MVB12B: variants seen among roughly 807,000 people sequenced by gnomAD.
The protein encoded by MVB12B is multivesicular body subunit 12B.
MVB12B carries 16 observed loss-of-function variants against 41.6 expected under a neutral mutation model. That is an observed-to-expected ratio of 0.38 (90% CI 0.26 to 0.58). The LOEUF (loss-of-function observed/expected upper bound fraction) is 0.58. Among genes scored for constraint, MVB12B ranks in the 20% least tolerant of loss-of-function variants. The pLI is 0.62. For missense variants in MVB12B, 274 were observed against 380.2 expected, an observed-to-expected ratio of 0.72 and a Z score of 2.32; for synonymous variants, 133 against 139.7, an observed-to-expected ratio of 0.95 and a Z score of 0.34.
chr9:126,428,354 A>C (rs565770206), intron 7 of MVB12B, among the ~76,000 whole-genome samples: 1 of 152,286 alleles, frequency 6.6e-6, no homozygotes, highest in African/African-American at 2.4e-5. Flanking sequence ...ATTGGATAAA[A>C]TTTCTGCCAC....
At chr9:126,462,449 A>G (rs1389376770) in intron 7 of MVB12B, among the ~76,000 whole-genome samples, 1 of 152,216 alleles carries the variant, frequency 6.6e-6, no homozygotes, top group Non-Finnish European at 1.5e-5. Context: ...GAACAATTAT[A>G]CAGATTTTCA....
chr9:126,404,555 C>T (rs1031852349), intron 6 of MVB12B, among the ~76,000 whole-genome samples: 2 of 152,250 alleles, frequency 1.3e-5, no homozygotes, highest in African/African-American at 4.8e-5. Context: ...CTCCAGGCTC[C>T]TGACCAGCAA....
intron 2 of MVB12B, among the ~76,000 whole-genome samples, chr9:126,379,643 A>G (rs1025178582): frequency 6.6e-6 from 1 of 152,058 alleles, no homozygotes; most frequent in East Asian, 1.9e-4. Context: ...TCCTGTTGTT[A>G]TATTTGCTAA....
At chr9:126,438,456 A>G (rs919281078) in intron 7 of MVB12B, among the ~76,000 whole-genome samples, 3 of 152,160 alleles carry the variant, frequency 2.0e-5, no homozygotes, top group African/African-American at 7.2e-5. Context: ...ACATTTTCCA[A>G]AGTGTCTGTT....
At chr9:126,362,504 C>T (rs1044345350) in intron 2 of MVB12B, among the ~76,000 whole-genome samples, 9 of 151,958 alleles carry the variant, frequency 5.9e-5, no homozygotes, top group Non-Finnish European at 1.0e-4. Flanking sequence ...TGATGTGTAG[C>T]TCTTATGTAC....
At chr9:126,465,784 T>C (rs1239978029) in intron 7 of MVB12B, among the ~76,000 whole-genome samples, 1 of 152,178 alleles carries the variant, frequency 6.6e-6, no homozygotes, top group Non-Finnish European at 1.5e-5. Flanking sequence ...TAACACATGC[T>C]GAACATTTGT....
intron 6 of MVB12B, among the ~76,000 whole-genome samples, chr9:126,416,368 G>A (rs956182783): frequency 6.6e-6 from 1 of 152,188 alleles, no homozygotes; most frequent in Non-Finnish European, 1.5e-5. Context: ...CTGGGATTTG[G>A]ACCCACATCC....
At chr9:126,476,683 T>C (rs1833427910) in intron 7 of MVB12B, among the ~76,000 whole-genome samples, 1 of 152,056 alleles carries the variant, frequency 6.6e-6, no homozygotes, top group Non-Finnish European at 1.5e-5. Flanking sequence ...GAGACCATCC[T>C]GGCTAACACG....
chr9:126,482,158 C>T (rs1289133157), intron 8 of MVB12B, among the ~76,000 whole-genome samples: 1 of 149,108 alleles, frequency 6.7e-6, no homozygotes, highest in Non-Finnish European at 1.5e-5. Flanking sequence ...AGGGTCAGCC[C>T]TCCAATGGCG....
chr9:126,348,479 C>A (rs570841722), intron 2 of MVB12B, among the ~76,000 whole-genome samples: 1 of 152,332 alleles, frequency 6.6e-6, no homozygotes, highest in African/African-American at 2.4e-5. Flanking sequence ...TGCAGAGGAG[C>A]TGGTCTTGTT....
intron 6 of MVB12B, among the ~76,000 whole-genome samples, chr9:126,407,042 C>T (rs760068647): frequency 1.3e-5 from 2 of 152,158 alleles, no homozygotes; most frequent in African/African-American, 2.4e-5. Context: ...AAATTCAACA[C>T]AAGTGTATAT....
chr9:126,404,743 A>G (rs756176797), intron 6 of MVB12B, among the ~76,000 whole-genome samples: 3 of 152,258 alleles, frequency 2.0e-5, no homozygotes, highest in African/African-American at 4.8e-5. Flanking sequence ...AGGAGGTCCC[A>G]GCACCACCAT....
intron 6 of MVB12B, chr9:126,396,001 T>A: frequency 8.6e-7 from 1 of 1,160,354 alleles, no homozygotes; most frequent in South Asian, 2.5e-5. Flanking sequence ...ACACGTGCTG[T>A]ATAGCCATGG....
intron 6 of MVB12B, among the ~76,000 whole-genome samples, chr9:126,398,241 G>A (rs1485638454): frequency 6.6e-6 from 1 of 151,794 alleles, no homozygotes; most frequent in Non-Finnish European, 1.5e-5. Flanking sequence ...GTGTGGTGGT[G>A]AGGGCATGTG....
intron 7 of MVB12B, among the ~76,000 whole-genome samples, chr9:126,435,737 C>T (rs1321410630): frequency 1.3e-5 from 2 of 151,910 alleles, no homozygotes; most frequent in African/African-American, 4.8e-5. Flanking sequence ...AGTCCCCTGT[C>T]CCTGAGCTCA....
intron 7 of MVB12B, among the ~76,000 whole-genome samples, chr9:126,426,565 G>T (rs1938946785): frequency 6.6e-6 from 1 of 151,968 alleles, no homozygotes; most frequent in Admixed American, 6.6e-5. Flanking sequence ...CCCAAATGGT[G>T]GCACCCTACC....
At chr9:126,341,265 C>G (rs1829437507) in intron 2 of MVB12B, among the ~76,000 whole-genome samples, 1 of 152,188 alleles carries the variant, frequency 6.6e-6, no homozygotes, top group Non-Finnish European at 1.5e-5. Context: ...GACATCTGTG[C>G]TGGTGTTCAG....
intron 2 of MVB12B, among the ~76,000 whole-genome samples, chr9:126,373,255 C>A (rs1830390771): frequency 6.6e-6 from 1 of 152,236 alleles, no homozygotes; most frequent in Admixed American, 6.5e-5. Context: ...CTCTTCCTTT[C>A]ACTTTATATT....
At chr9:126,464,648 G>A (rs1833162014) in intron 7 of MVB12B, among the ~76,000 whole-genome samples, 1 of 152,254 alleles carries the variant, frequency 6.6e-6, no homozygotes, top group South Asian at 2.1e-4. Flanking sequence ...TTAACTCTGT[G>A]TGGAGCTTGC....
Sources: gnomAD v4.1 joint callset for allele counts (sites outside exome capture counted in the v4.1 genomes callset) on GRCh38, gnomAD v4.1.1 for gene constraint, MANE v1.5 for transcripts, NCBI Gene and HGNC (gene_info 2026-07-23, HGNC 2026-07-21) for gene names.